Variants in FNBP1 observed in about 807,000 individuals in gnomAD.
FNBP1 encodes formin-binding protein 1.
A neutral mutation model predicts 90.6 loss-of-function variants in FNBP1; 26 were observed. The observed-to-expected ratio is 0.29, with a 90% CI of 0.21 to 0.40. FNBP1 has a LOEUF of 0.40. FNBP1 is among the 10% of genes least tolerant of loss of function. The pLI is 1.00. For missense variants in FNBP1, 635 were observed against 768.0 expected (o/e 0.83, Z 2.05); for synonymous variants, 260 against 265.2 (o/e 0.98, Z 0.19).
At chr9:129,899,139 G>A (rs550837896) in intron 15 of FNBP1, among the ~76,000 whole-genome samples, 118 of 151,028 alleles carry the variant, frequency 7.8e-4, no homozygotes, top group South Asian at 2.7e-3. Context: ...GTACAGTGGC[G>A]CTATCTCAGC....
At chr9:130,040,293 T>C (rs926783116) in intron 1 of FNBP1, among the ~76,000 whole-genome samples, 14 of 152,224 alleles carry the variant, frequency 9.2e-5, no homozygotes, top group African/African-American at 3.4e-4. Context: ...AACTGTAAGC[T>C]ACTCAAAGGC....
rs1306346904 is a variant in FNBP1 at position 129,890,123 on chromosome 9, C to T, written c.*416G>A. On this transcript the variant is annotated 3_prime_UTR_variant, in exon 17 of 17. Coordinates refer to ENST00000446176, the MANE Select transcript of FNBP1 (RefSeq NM_015033.3). This position sits in a 1 kb window ranked among gnomAD's most constrained non-coding sequence, Gnocchi z 5.8. ...GAGTGCTCAGTCCGCCTGATGTGCGCTGGACCTGCCTTGTCTCCTCAGGGG... is the reference window on the plus strand; with the variant it reads ...GAGTGCTCAGTCCGCCTGATGTGCGTTGGACCTGCCTTGTCTCCTCAGGGG... 6.3e-6 allele frequency: 2 copies of T among 315,376 alleles called. No homozygotes were observed. The highest frequency in any genetic ancestry group is 1.0e-4 in the East Asian group (2 of 19,200). The allele number at this position is 315,376 out of a possible 1,614,324, so 19.5% of individuals were successfully genotyped here.
chr9:129,903,110 G>C, intron 12 of FNBP1, 109 bp from the exon 13 acceptor site: 1 of 1,078,438 alleles, frequency 9.3e-7, no homozygotes, highest in Non-Finnish European at 1.3e-6. Flanking sequence ...TCGGCTCACT[G>C]CAACGATCTT....
rs950941077 is a variant in FNBP1 at position 130,041,132 on chromosome 9, C to T, written c.24+1820G>A. Among the ~76,000 whole-genome samples the T allele has an allele frequency of 1.3e-5, 2 of 151,744 alleles. No individual in the cohort carries two copies. The highest frequency in any genetic ancestry group is 2.9e-5 in the Non-Finnish European group (2 of 67,940). On this transcript the variant is annotated intron_variant, in intron 1 of 16. Transcript: ENST00000446176. The surrounding 1 kb of genome is among the most constrained non-coding windows in gnomAD (Gnocchi z 4.3). Reference sequence around the variant, plus strand: ...CAATATAGGCCTGAGCCACTGCGCCCGGCCTCTCTCATTTATTTTCAATCA... The same window carrying T: ...CAATATAGGCCTGAGCCACTGCGCCTGGCCTCTCTCATTTATTTTCAATCA...
chr9:130,000,265 C>T (rs534196121), intron 1 of FNBP1, among the ~76,000 whole-genome samples: 4 of 152,194 alleles, frequency 2.6e-5, no homozygotes, highest in South Asian at 2.1e-4. Flanking sequence ...CAGAAGCAGG[C>T]GGGTCGTCTG....
chr9:129,935,557 G>A (rs1483248537), intron 6 of FNBP1, among the ~76,000 whole-genome samples: 3 of 151,826 alleles, frequency 2.0e-5, no homozygotes, highest in East Asian at 1.9e-4. Context: ...GTGCAATCTC[G>A]GTTCACTGCA....
chr9:129,919,211 A>G (rs1239003686), intron 10 of FNBP1: 5 of 1,302,938 alleles, frequency 3.8e-6, no homozygotes, highest in East Asian at 9.4e-5. Flanking sequence ...CGTCCTCTTC[A>G]TGAGTTCTTT....
intron 12 of FNBP1, 77 bp downstream of exon 12, chr9:129,908,813 A>G: frequency 1.1e-6 from 1 of 941,234 alleles, no homozygotes; most frequent in Non-Finnish European, 1.7e-6. Context: ...GCAGCCTCCC[A>G]AAGTGCTGGG....
rs1290034840 is a variant in FNBP1 at position 129,966,102 on chromosome 9, G to T, written c.346-7549C>A. 6.6e-6 allele frequency among the ~76,000 whole-genome samples: 1 copy of T among 152,204 alleles called. No homozygotes were observed. Among genetic ancestry groups the T allele is most frequent in the African/African-American group, 2.4e-5 (1 of 41,452 alleles). ...AAGTCCCCTGTCCCAGTGAAACTGA[G>T]TGGATCCAGAAGTAAGACAAACAGG... On this transcript the variant is annotated intron_variant, in intron 4 of 16. Coordinates refer to ENST00000446176, the MANE Select transcript of FNBP1 (RefSeq NM_015033.3). This position sits in a 1 kb window ranked among gnomAD's most constrained non-coding sequence, Gnocchi z 4.3.
chr9:129,947,019 A>C (rs969040764), intron 6 of FNBP1, among the ~76,000 whole-genome samples: 2 of 152,242 alleles, frequency 1.3e-5, no homozygotes, highest in Admixed American at 1.3e-4. Context: ...AAGTTTGTAT[A>C]GCATGGTGTT....
chr9:129,902,433 A>G (rs1341705249), intron 13 of FNBP1, among the ~76,000 whole-genome samples: 2 of 152,156 alleles, frequency 1.3e-5, no homozygotes, highest in East Asian at 3.9e-4. Context: ...CCTCAACTCT[A>G]AAACAAATAA....
intron 2 of FNBP1, among the ~76,000 whole-genome samples, chr9:129,988,742 T>C (rs2052681386): frequency 6.6e-6 from 1 of 152,134 alleles, no homozygotes; most frequent in Non-Finnish European, 1.5e-5. Context: ...CAATTGCCAA[T>C]TGTTTGCAAA....
intron 1 of FNBP1, among the ~76,000 whole-genome samples, chr9:130,018,569 T>G (rs1183319880): frequency 2.0e-5 from 3 of 151,998 alleles, no homozygotes; most frequent in Non-Finnish European, 4.4e-5. Context: ...ATTTATTTAT[T>G]TATTTATTTA....
chr9:129,927,762 C>G (rs552531464), intron 7 of FNBP1, among the ~76,000 whole-genome samples: 2 of 142,252 alleles, frequency 1.4e-5, no homozygotes, highest in Non-Finnish European at 3.1e-5. Flanking sequence ...GCCCCACCCC[C>G]CCTCCCCCCG....
chr9:129,978,900 C>A (rs188225322), intron 3 of FNBP1, among the ~76,000 whole-genome samples: 5 of 152,240 alleles, frequency 3.3e-5, no homozygotes, highest in African/African-American at 1.2e-4. Flanking sequence ...GCTATATGTA[C>A]TAATGTAAAG....
At chr9:130,007,996 T>TC (rs2056028452) in intron 1 of FNBP1, among the ~76,000 whole-genome samples, 1 of 31,362 alleles carries the variant, frequency 3.2e-5, no homozygotes, top group Non-Finnish European at 6.9e-5. Context: ...AGACTCTGTC[T>TC]CAAAAAAAAA....
chr9:129,920,233 T>C (rs961442227), intron 10 of FNBP1, among the ~76,000 whole-genome samples: 3 of 152,210 alleles, frequency 2.0e-5, no homozygotes, highest in Non-Finnish European at 2.9e-5. Context: ...CTGCTGATTA[T>C]GGTAAAACAG....
chr9:129,920,600 T>C (rs1394787358), intron 10 of FNBP1, among the ~76,000 whole-genome samples: 1 of 152,142 alleles, frequency 6.6e-6, no homozygotes, highest in African/African-American at 2.4e-5. Flanking sequence ...ACGCCCAGCT[T>C]ATCTTTTTCT....
the FNBP1 span, among the ~76,000 whole-genome samples, chr9:130,048,905 C>G: frequency 6.6e-6 from 1 of 151,632 alleles, no homozygotes; most frequent in Non-Finnish European, 1.5e-5. Flanking sequence ...CTCAGCCTCC[C>G]GAGTAGCTGG....
Sources: allele counts gnomAD v4.1 joint callset (sites outside exome capture counted in the v4.1 genomes callset), GRCh38; gene constraint gnomAD v4.1.1; non-coding constraint Gnocchi (gnomAD v3.1); transcripts MANE v1.5; gene names NCBI Gene and HGNC (gene_info 2026-07-23, HGNC 2026-07-21).